CMC1: variants seen among roughly 807,000 people sequenced by gnomAD.
CMC1 encodes COX assembly mitochondrial protein homolog.
Under a neutral mutation model 14.1 loss-of-function variants are expected in CMC1, and 14 were observed. The ratio of observed to expected loss-of-function variants is 0.99; its 90% confidence interval spans 0.66 to 1.55. CMC1 has a LOEUF of 1.55. Ranked by LOEUF, CMC1 falls within the 40% of genes most tolerant of loss-of-function variation. The pLI is 0.00. For synonymous variants in CMC1, 50 were observed against 38.4 expected (o/e 1.30, Z -1.12); for missense variants, 127 against 123.8 (o/e 1.03, Z -0.12).
At chr3:28,257,619 A>G (rs532635016) in intron 1 of CMC1, among the ~76,000 whole-genome samples, 70 of 152,198 alleles carry the variant, frequency 4.6e-4, no homozygotes, top group African/African-American at 1.5e-3. Context: ...CCTGGGTTCA[A>G]GCGATTTTCC....
chr3:28,241,921 A>G, intron 1 of CMC1, 109 bp downstream of exon 1: 1 of 1,104,476 alleles, frequency 9.1e-7, no homozygotes, highest in Non-Finnish European at 1.1e-6. Flanking sequence ...TCTGGGTAGC[A>G]TTGCTTCCAC....
intron 1 of CMC1, among the ~76,000 whole-genome samples, chr3:28,262,568 A>G (rs1032888173): frequency 2.6e-5 from 4 of 152,090 alleles, no homozygotes; most frequent in Admixed American, 1.3e-4. Flanking sequence ...CACTTTTGGC[A>G]TGCGTGTTTT....
At chr3:28,287,108 C>A (rs1188395970) in intron 2 of CMC1, among the ~76,000 whole-genome samples, 1 of 152,088 alleles carries the variant, frequency 6.6e-6, no homozygotes, top group Non-Finnish European at 1.5e-5. Flanking sequence ...ACTCTTTTGT[C>A]TTCTCAGTGT....
chr3:28,315,078 T>A (rs1299025859), intron 2 of CMC1: 3 of 152,126 alleles, frequency 2.0e-5, no homozygotes, highest in Non-Finnish European at 4.4e-5. Flanking sequence ...CACTTGGAAA[T>A]AGTTGCTTAC....
chr3:28,244,092 A>G (rs1317551528), intron 1 of CMC1, among the ~76,000 whole-genome samples: 3 of 152,234 alleles, frequency 2.0e-5, no homozygotes, highest in Non-Finnish European at 2.9e-5. Flanking sequence ...GGTAGTCACT[A>G]AATGCCTAGA....
chr3:28,259,676 G>A (rs1461012214), intron 1 of CMC1, among the ~76,000 whole-genome samples: 1 of 151,810 alleles, frequency 6.6e-6, no homozygotes, highest in African/African-American at 2.4e-5. Flanking sequence ...TTGAAATATA[G>A]ACTCACATAA....
At chr3:28,297,484 T>C (rs1227086047) in intron 2 of CMC1, among the ~76,000 whole-genome samples, 1 of 152,030 alleles carries the variant, frequency 6.6e-6, no homozygotes, top group Non-Finnish European at 1.5e-5. Context: ...AGAATATAAT[T>C]ATGGAGACCT....
In CMC1 at chr3:28,320,492, C is replaced by A. The variant is rs947332070; in HGVS notation, c.*863C>A. 1.3e-5 allele frequency: 2 copies of A among 151,552 alleles called. No homozygotes were observed. The highest frequency in any genetic ancestry group is 3.9e-4 in the East Asian group (2 of 5,148). 9.4% of individuals were successfully genotyped at this position (151,552 alleles called of 1,614,324 possible). A position where few individuals can be genotyped will look rare whatever the true frequency, so the allele number is the denominator to read the frequency against. Reference sequence around the variant, plus strand: ...TTCACGAGGGCTCCAGCCTCATCACCCTATTACCTCTTAAAGGCTCCATTT... The same window carrying A: ...TTCACGAGGGCTCCAGCCTCATCACACTATTACCTCTTAAAGGCTCCATTT... On this transcript the variant is annotated 3_prime_UTR_variant, in exon 4 of 4. Coordinates refer to ENST00000466830, the MANE Select transcript of CMC1 (RefSeq NM_182523.2).
intron 2 of CMC1, among the ~76,000 whole-genome samples, chr3:28,277,772 T>G (rs915264630): frequency 2.0e-5 from 3 of 152,160 alleles, no homozygotes; most frequent in Non-Finnish European, 2.9e-5. Flanking sequence ...GAAGCTGGCA[T>G]GGCTAAGGGA....
intron 1 of CMC1, among the ~76,000 whole-genome samples, chr3:28,250,221 G>T (rs1202063098): frequency 1.3e-5 from 2 of 152,210 alleles, no homozygotes; most frequent in Non-Finnish European, 2.9e-5. Flanking sequence ...GATGTGATGT[G>T]TTTAAGTCCA....
intron 2 of CMC1, among the ~76,000 whole-genome samples, chr3:28,302,393 A>G (rs1469067949): frequency 6.6e-6 from 1 of 152,148 alleles, no homozygotes; most frequent in African/African-American, 2.4e-5. Flanking sequence ...GCCTTTTAAC[A>G]TTGGAGACTA....
At chr3:28,305,083 C>T (rs1306930555) in intron 2 of CMC1, among the ~76,000 whole-genome samples, 2 of 152,066 alleles carry the variant, frequency 1.3e-5, no homozygotes, top group African/African-American at 4.8e-5. Context: ...GTTGTCCTTC[C>T]TCCTTCCCTC....
chr3:28,269,562 G>T (rs1357376511), intron 2 of CMC1, among the ~76,000 whole-genome samples: 1 of 151,104 alleles, frequency 6.6e-6, no homozygotes, highest in Non-Finnish European at 1.5e-5. Flanking sequence ...CATTACCTAG[G>T]TTTCTTTTTT....
At position 28,322,097 on chromosome 3, in the gene CMC1, TGGGTAA is replaced by T. The variant is rs1387812298; in HGVS notation, c.*2469_*2474del. The T allele has an allele frequency of 6.6e-6, 1 of 150,992 alleles. No individual in the cohort carries two copies. The highest frequency in any genetic ancestry group is 1.5e-5 in the Non-Finnish European group (1 of 67,340). 9.4% of individuals were successfully genotyped at this position (150,992 alleles called of 1,614,324 possible). A position where few individuals can be genotyped will look rare whatever the true frequency, so the allele number is the denominator to read the frequency against. ...AAGTGTAGATTTAAAAGCTTCTAGC[TGGGTAA>T]AAAATTTTTGGCTAATCTTTCCTTA... On this transcript the variant is annotated 3_prime_UTR_variant, in exon 4 of 4. Coordinates refer to ENST00000466830, the MANE Select transcript of CMC1 (RefSeq NM_182523.2).
At chr3:28,293,234 C>T (rs1225093530) in intron 2 of CMC1, among the ~76,000 whole-genome samples, 2 of 151,894 alleles carry the variant, frequency 1.3e-5, no homozygotes, top group African/African-American at 2.4e-5. Flanking sequence ...TGTGTATGGG[C>T]TCAAGCTGGA....
intron 2 of CMC1, among the ~76,000 whole-genome samples, chr3:28,293,313 T>A (rs1032000307): frequency 6.6e-6 from 1 of 151,876 alleles, no homozygotes; most frequent in Non-Finnish European, 1.5e-5. Context: ...GGGACTTTTT[T>A]TTTTTTTTCG....
intron 2 of CMC1, among the ~76,000 whole-genome samples, chr3:28,274,220 CTTT>C (rs544985268): frequency 2.7e-5 from 3 of 112,324 alleles, no homozygotes; most frequent in Admixed American, 1.1e-4. Flanking sequence ...TTGTTTTTTT[CTTT>C]TTTTTTTTTT....
At chr3:28,247,892 C>A (rs992994409) in intron 1 of CMC1, among the ~76,000 whole-genome samples, 3 of 151,950 alleles carry the variant, frequency 2.0e-5, no homozygotes, top group Non-Finnish European at 4.4e-5. Flanking sequence ...ACATGCTGTT[C>A]TCTCTAGAAT....
At chr3:28,281,000 C>G (rs1024775176) in intron 2 of CMC1, among the ~76,000 whole-genome samples, 1 of 152,180 alleles carries the variant, frequency 6.6e-6, no homozygotes, top group African/African-American at 2.4e-5. Flanking sequence ...TGGGTAGTTG[C>G]AACAGAGACC....
Sources: gnomAD v4.1 joint callset for allele counts (sites outside exome capture counted in the v4.1 genomes callset) on GRCh38, gnomAD v4.1.1 for gene constraint, MANE v1.5 for transcripts, NCBI Gene and HGNC (gene_info 2026-07-23, HGNC 2026-07-21) for gene names.